The following C1orf198 variants were observed in gnomAD, a reference collection of about 807,000 sequenced individuals.
The protein encoded by C1orf198 is uncharacterized protein C1orf198.
A neutral mutation model predicts 31.4 loss-of-function variants in C1orf198; 17 were observed. That is an observed-to-expected ratio of 0.54 (90% confidence interval 0.37 to 0.81). The LOEUF is 0.81. C1orf198 is among the 40% of genes least tolerant of loss of function. The pLI is 0.00. For missense variants in C1orf198, 401 were observed against 450.3 expected, an observed-to-expected ratio of 0.89 and a Z score of 0.99; for synonymous variants, 175 against 193.8, an observed-to-expected ratio of 0.90 and a Z score of 0.81.
In C1orf198 at chr1:230,850,783, G is replaced by A. The variant is rs186671476; in HGVS notation, c.384+4885C>T. On this transcript the variant is annotated intron_variant, in intron 2 of 3. Transcript: ENST00000366663. ...GGTGGATGCAGCCCCATGGTGTCCT[G>A]CCTCTCAGAAGCCCCGTGACTGGTA... is the stretch of plus-strand genomic sequence containing the variant. 3.4e-3 allele frequency among the ~76,000 whole-genome samples: 521 copies of A among 152,118 alleles called. 2 individuals carry two copies. The highest frequency in any genetic ancestry group is 0.012 in the African/African-American group (502 of 41,492).
At chr1:230,842,744 A>G (rs139612975) in intron 3 of C1orf198, among the ~76,000 whole-genome samples, 202 of 142,980 alleles carry the variant, frequency 1.4e-3, no homozygotes, top group African/African-American at 5.5e-3. Flanking sequence ...AAATTTAAAA[A>G]ATAAAAATTA....
chr1:230,843,896 T>G lies in C1orf198; in HGVS notation c.385A>C (p.Ser129Arg). 3.3e-6 allele frequency: 5 copies of G among 1,504,960 alleles called. No individual in the cohort carries two copies. Among genetic ancestry groups the G allele is most frequent in the Non-Finnish European group, 4.4e-6 (5 of 1,131,548 alleles). 93.2% of individuals were successfully genotyped at this position (1,504,960 alleles called of 1,614,324 possible). ...GCGGAGATACTGAACTCCATCTGACTCTAGGGTGGGACATGAGAAAGGACA... is the reference window on the plus strand; with the variant it reads ...GCGGAGATACTGAACTCCATCTGACGCTAGGGTGGGACATGAGAAAGGACA... ...HSAPFSWETK[S>R]QMEFSISALS... The change falls in exon 3 of 4, where the codon AGT becomes CGT. Residue 129 changes from serine (S) to arginine (R), a missense_variant and splice_region_variant. By Grantham distance (110) the Ser-to-Arg change is moderately radical. Coordinates refer to ENST00000366663, the MANE Select transcript of C1orf198 (RefSeq NM_032800.3). The surrounding 1 kb of genome is among the most constrained non-coding windows in gnomAD (Gnocchi z 4.9).
At chr1:230,866,355 A>G (rs1670120821) in intron 1 of C1orf198, among the ~76,000 whole-genome samples, 1 of 152,236 alleles carries the variant, frequency 6.6e-6, no homozygotes, top group Admixed American at 6.5e-5. Flanking sequence ...GCATTTCAGA[A>G]CATGCTCTCA....
intron 2 of C1orf198, among the ~76,000 whole-genome samples, chr1:230,849,651 G>A (rs1669690005): frequency 1.3e-5 from 2 of 152,206 alleles, no homozygotes; most frequent in South Asian, 4.1e-4. Context: ...ACTCACTGAA[G>A]AGGAATGTGT....
chr1:230,853,704 C>T lies in C1orf198; in HGVS notation c.384+1964G>A, dbSNP rs16852877. 3.0e-3 allele frequency among the ~76,000 whole-genome samples: 450 copies of T among 152,344 alleles called. 10 individuals are homozygous for T. The East Asian group carries it at 0.063, about 21-fold the overall frequency. On this transcript the variant is annotated intron_variant, in intron 2 of 3. Transcript: ENST00000366663. ...CAGGAGTATGAAATGAAACTGCCAA[C>T]TCTGAGCTATGAAGACTACACTTTA...
At position 230,840,015 on chromosome 1, in the gene C1orf198, T is replaced by G; in HGVS notation, c.928-107A>C. ...AAACGACCCAGATAAAAGAGCCTAC[T>G]TCTGTCTCAGAGGTTCCCTGACCTC... On this transcript the variant is annotated intron_variant, in intron 3 of 3. Coordinates refer to ENST00000366663, the MANE Select transcript of C1orf198 (RefSeq NM_032800.3). This position sits in a 1 kb window ranked among gnomAD's most constrained non-coding sequence, Gnocchi z 4.0. The G allele has an allele frequency of 1.0e-6, 1 of 967,962 alleles. No individual in the cohort carries two copies. The highest frequency in any genetic ancestry group is 1.5e-6 in the Non-Finnish European group (1 of 647,224). 60.0% of individuals were successfully genotyped at this position (967,962 alleles called of 1,614,324 possible).
At chr1:230,861,044 G>A (rs1337861316) in intron 1 of C1orf198, among the ~76,000 whole-genome samples, 1 of 152,180 alleles carries the variant, frequency 6.6e-6, no homozygotes, top group Non-Finnish European at 1.5e-5. Context: ...ACAGTAAAAA[G>A]ATCAGTGGCT....
intron 1 of C1orf198, chr1:230,855,958 A>G: frequency 7.6e-7 from 1 of 1,310,642 alleles, no homozygotes; most frequent in African/African-American, 1.5e-5. Context: ...ACAACAGGGA[A>G]TGCCGGTGAG....
At chr1:230,855,821 C>G in intron 1 of C1orf198, 103 bp from the exon 2 acceptor site, 2 of 1,526,630 alleles carry the variant, frequency 1.3e-6, no homozygotes, top group Non-Finnish European at 1.8e-6. Context: ...GGAATAATCC[C>G]AACTCCTGGC....
chr1:230,855,537 C>T, intron 2 of C1orf198, 131 bp downstream of exon 2: 1 of 948,876 alleles, frequency 1.1e-6, no homozygotes, highest in African/African-American at 1.7e-5. Flanking sequence ...TTTCTACCAA[C>T]AATGGACACA....
Position 230,856,395 on chromosome 1 carries a change from A to C in C1orf198, c.334-677T>G, listed in dbSNP as rs372055073. The stretch of plus-strand genomic sequence containing the variant: ...CAGGACAGAAAGAGCCCTATAGAAC[A>C]ATCACTACGAATTTGACCTTGGATC... On this transcript the variant is annotated intron_variant, in intron 1 of 3. Coordinates refer to ENST00000366663, the MANE Select transcript of C1orf198 (RefSeq NM_032800.3). 1.1e-3 allele frequency among the ~76,000 whole-genome samples: 167 copies of C among 152,190 alleles called. 4 individuals carry two copies. In the South Asian group the frequency reaches 0.034, roughly 31 times the overall value.
chr1:230,862,626 T>C (rs1670027412), intron 1 of C1orf198, among the ~76,000 whole-genome samples: 1 of 152,230 alleles, frequency 6.6e-6, no homozygotes, highest in South Asian at 2.1e-4. Context: ...GGCTGCATAC[T>C]GTATGAATCC....
At position 230,846,195 on chromosome 1, in the gene C1orf198, G is replaced by C. The variant is rs570873206; in HGVS notation, c.385-2299C>G. On this transcript the variant is annotated intron_variant, in intron 2 of 3. Coordinates refer to ENST00000366663, the MANE Select transcript of C1orf198 (RefSeq NM_032800.3). ...ACAATTTAAACCTTTCCTTTTTATG[G>C]TTTTGGATGCATACTATCAAATCTG... is the stretch of plus-strand genomic sequence containing the variant. Among the ~76,000 whole-genome samples, 47 of 152,250 alleles carry C rather than the reference G, an allele frequency of 3.1e-4. 1 individual carries two copies. Among genetic ancestry groups the C allele is most frequent in the Admixed American group, 2.0e-3 (31 of 15,304 alleles).
intron 1 of C1orf198, among the ~76,000 whole-genome samples, chr1:230,862,237 G>T (rs960233555): frequency 6.6e-6 from 1 of 152,226 alleles, no homozygotes; most frequent in Non-Finnish European, 1.5e-5. Flanking sequence ...GATAATGACA[G>T]CACCCTGGAC....
At position 230,855,678 on chromosome 1, in the gene C1orf198, C is replaced by A. The variant is rs1274413176; in HGVS notation, c.374G>T (p.Trp125Leu). 3 of 1,612,170 alleles carry A rather than the reference C, an allele frequency of 1.9e-6. No homozygotes were observed. In the African/African-American group the frequency reaches 4.0e-5, roughly 22 times the overall value. Residue 125 changes from tryptophan (W) to leucine (L), a missense_variant, in exon 2 of 4, where the codon TGG (tryptophan) becomes TTG (leucine). By Grantham distance (61) the Trp-to-Leu change is moderately conservative. Transcript: ENST00000366663. ...WQDEHSAPFS[W>L]ETKSQMEFSI... ...TTTAATCCAACTTACCTTTGTTTCC[C>A]AGGAGAAAGGGGCAGAGTGCTCATC...
chr1:230,845,254 C>A (rs373078082), intron 2 of C1orf198, among the ~76,000 whole-genome samples: 79 of 149,866 alleles, frequency 5.3e-4, no homozygotes, highest in Middle Eastern at 3.5e-3. Context: ...TGATGACACA[C>A]GCCTGTGGTC....
At chr1:230,853,929 C>A (rs922790008) in intron 2 of C1orf198, among the ~76,000 whole-genome samples, 3 of 152,170 alleles carry the variant, frequency 2.0e-5, no homozygotes, top group African/African-American at 7.2e-5. Context: ...CCCACTCTGG[C>A]CCCAGCAGCT....
At chr1:230,845,419 C>T (rs551133430) in intron 2 of C1orf198, among the ~76,000 whole-genome samples, 1 of 151,580 alleles carries the variant, frequency 6.6e-6, no homozygotes, top group African/African-American at 2.4e-5. Context: ...CACGATGGCT[C>T]ACGCCTGTAA....
chr1:230,841,560 G>A lies in C1orf198; in HGVS notation c.928-1652C>T, dbSNP rs574525040. On this transcript the variant is annotated intron_variant, in intron 3 of 3. Coordinates refer to ENST00000366663, the MANE Select transcript of C1orf198 (RefSeq NM_032800.3). ...GAGGCTCAACATCATTCACGATCAT[G>A]GACAGGCAAGTCTAAACCACGGTGA... 3.9e-5 allele frequency among the ~76,000 whole-genome samples: 6 copies of A among 152,316 alleles called. No homozygotes were observed. In the South Asian group the frequency reaches 1.2e-3, roughly 32 times the overall value.
Sources: gnomAD v4.1 joint callset for allele counts (sites outside exome capture counted in the v4.1 genomes callset) on GRCh38, gnomAD v4.1.1 for gene constraint, Gnocchi (gnomAD v3.1) non-coding constraint, MANE v1.5 for transcripts, NCBI Gene and HGNC (gene_info 2026-07-23, HGNC 2026-07-21) for gene names.